The following PRKG1 variants were observed in gnomAD, a reference collection of about 807,000 sequenced individuals.
PRKG1 encodes cGMP-dependent protein kinase 1.
A neutral mutation model predicts 88.1 loss-of-function variants in PRKG1; 35 were observed. That is an observed-to-expected ratio of 0.40 (90% CI 0.30 to 0.53). PRKG1 has a LOEUF of 0.53. Ranked by LOEUF, PRKG1 falls within the 20% of genes least tolerant of loss-of-function variation. The pLI, the probability that PRKG1 is intolerant of heterozygous loss-of-function variation, is 0.59. For missense variants in PRKG1, 540 were observed against 839.8 expected, an observed-to-expected ratio of 0.64 and a Z score of 4.41; for synonymous variants, 303 against 292.5, an observed-to-expected ratio of 1.04 and a Z score of -0.37.
intron 5 of PRKG1, among the ~76,000 whole-genome samples, chr10:52,031,455 C>T (rs1845472109): frequency 6.6e-6 from 1 of 152,020 alleles, no homozygotes; most frequent in African/African-American, 2.4e-5. Context: ...AACAGGGCTT[C>T]TTGCAATAAT....
At chr10:51,010,573 G>T (rs2132723435) in intron 1 of PRKG1, among the ~76,000 whole-genome samples, 1 of 152,346 alleles carries the variant, frequency 6.6e-6, no homozygotes, top group East Asian at 1.9e-4. Flanking sequence ...CATGTATCAT[G>T]AAATAATACT....
chr10:51,297,464 CATATT>C (rs1403836567), intron 2 of PRKG1, among the ~76,000 whole-genome samples: 1 of 152,050 alleles, frequency 6.6e-6, no homozygotes, highest in Non-Finnish European at 1.5e-5. Context: ...CTTGGATTTT[CATATT>C]ATAATTTTAT....
intron 5 of PRKG1, among the ~76,000 whole-genome samples, chr10:51,975,676 C>T (rs1021150780): frequency 2.0e-5 from 3 of 152,016 alleles, no homozygotes; most frequent in Non-Finnish European, 2.9e-5. Context: ...GTTGATAGTA[C>T]TGTATGCTAA....
intron 2 of PRKG1, among the ~76,000 whole-genome samples, chr10:51,446,655 C>T (rs147971598): frequency 9.2e-5 from 14 of 152,110 alleles, no homozygotes; most frequent in East Asian, 1.9e-4. Context: ...AGGAAAACAA[C>T]GGTCCTTGCT....
intron 2 of PRKG1, among the ~76,000 whole-genome samples, chr10:51,163,432 C>T (rs531918022): frequency 6.6e-6 from 1 of 152,316 alleles, no homozygotes; most frequent in East Asian, 1.9e-4. Context: ...ATAGGAACAG[C>T]TCCGGTCTAC....
At chr10:51,726,566 A>T (rs576372063) in intron 3 of PRKG1, among the ~76,000 whole-genome samples, 17 of 152,360 alleles carry the variant, frequency 1.1e-4, no homozygotes, top group Admixed American at 9.8e-4. Context: ...GATATTTCAG[A>T]TGATCACAGT....
intron 3 of PRKG1, among the ~76,000 whole-genome samples, chr10:51,712,409 C>T (rs1231411243): frequency 6.6e-6 from 1 of 152,058 alleles, no homozygotes; most frequent in African/African-American, 2.4e-5. Flanking sequence ...TGCCAAGGTG[C>T]CATATTTTGG....
intron 3 of PRKG1, among the ~76,000 whole-genome samples, chr10:51,637,125 C>T (rs961110455): frequency 6.6e-6 from 1 of 152,070 alleles, no homozygotes; most frequent in Admixed American, 6.5e-5. Flanking sequence ...TGAACAAACA[C>T]TTCTCAAAAG....
intron 2 of PRKG1, among the ~76,000 whole-genome samples, chr10:51,270,471 T>C (rs1296936670): frequency 6.6e-6 from 1 of 152,112 alleles, no homozygotes; most frequent in Non-Finnish European, 1.5e-5. Context: ...TTATTATGCT[T>C]ATAAAATTTC....
At chr10:51,671,395 G>C (rs1317664236) in intron 3 of PRKG1, among the ~76,000 whole-genome samples, 1 of 152,108 alleles carries the variant, frequency 6.6e-6, no homozygotes, top group Non-Finnish European at 1.5e-5. Context: ...CAAAATGTTG[G>C]CAGGGCCATG....
intron 3 of PRKG1, among the ~76,000 whole-genome samples, chr10:51,492,709 CT>C (rs1343663403): frequency 1.3e-5 from 2 of 152,024 alleles, no homozygotes; most frequent in Admixed American, 6.6e-5. Flanking sequence ...CCTTAATATC[CT>C]TAAACGGTTA....
intron 4 of PRKG1, among the ~76,000 whole-genome samples, chr10:51,825,366 T>C (rs10999647): frequency 0.21 from 31,780 of 151,926 alleles, 5,326 homozygotes; most frequent in African/African-American, 0.47. Context: ...TTTGTAATGA[T>C]GCAAGAGCAA....
intron 5 of PRKG1, among the ~76,000 whole-genome samples, chr10:51,972,214 A>G (rs908677704): frequency 6.6e-6 from 1 of 151,978 alleles, no homozygotes; most frequent in African/African-American, 2.4e-5. Context: ...CTTTGTGTGT[A>G]TATATATATA....
At chr10:51,273,677 T>C (rs1247792677) in intron 2 of PRKG1, among the ~76,000 whole-genome samples, 1 of 152,202 alleles carries the variant, frequency 6.6e-6, no homozygotes, top group East Asian at 1.9e-4. Context: ...AAGACAGATT[T>C]CTAACTTCTA....
intron 5 of PRKG1, chr10:52,046,989 C>G (rs149875674): frequency 6.6e-6 from 1 of 151,806 alleles, no homozygotes; most frequent in South Asian, 2.1e-4. Context: ...TAGAGTGTCC[C>G]GAGTGGAAGA....
chr10:51,815,198 G>C (rs557349355), intron 4 of PRKG1, among the ~76,000 whole-genome samples: 1 of 152,256 alleles, frequency 6.6e-6, no homozygotes, highest in African/African-American at 2.4e-5. Flanking sequence ...TATTCCTCTA[G>C]CCTGTTGTAG....
intron 4 of PRKG1, among the ~76,000 whole-genome samples, chr10:51,838,674 A>G (rs1297697407): frequency 6.6e-6 from 1 of 152,050 alleles, no homozygotes; most frequent in African/African-American, 2.4e-5. Context: ...GAAAGCAGAG[A>G]TTGTTTTGGG....
At chr10:52,062,730 C>G (rs1846266808) in intron 7 of PRKG1, 99 bp downstream of exon 7, 2 of 835,702 alleles carry the variant, frequency 2.4e-6, no homozygotes, top group Non-Finnish European at 4.1e-6. Flanking sequence ...TTATTTAGTG[C>G]TTATCTCAAT....
At position 51,058,649 on chromosome 10, in the gene PRKG1, A is replaced by T. The variant is rs1589127088; in HGVS notation, c.266+67005A>T. Among the ~76,000 whole-genome samples the T allele has an allele frequency of 3.9e-5, 6 of 152,132 alleles. 1 individual carries two copies. The South Asian group carries it at 1.2e-3, about 32-fold the overall frequency. On this transcript the variant is annotated intron_variant, in intron 1 of 17. Coordinates refer to the PRKG1 transcript ENST00000401604. ...GTCTTTTGGTCGAACAAATTTTCTA[A>T]TTTTAATGTGGTTCATTTTATCAGC...
Sources: gnomAD v4.1 joint callset for allele counts (sites outside exome capture counted in the v4.1 genomes callset) on GRCh38, gnomAD v4.1.1 for gene constraint, MANE v1.5 for transcripts, NCBI Gene and HGNC (gene_info 2026-07-23, HGNC 2026-07-21) for gene names.